Variants in RYR3 observed in about 807,000 individuals in gnomAD.
RYR3 encodes ryanodine receptor 3.
A neutral mutation model predicts 584.3 loss-of-function variants in RYR3; 207 were observed. That is an observed-to-expected ratio of 0.35 (90% CI 0.32 to 0.40). The LOEUF is 0.40. Among genes scored for constraint, RYR3 ranks in the 10% least tolerant of loss-of-function variants. RYR3 has a pLI of 1.00. For missense variants in RYR3, 5,616 were observed against 6,089.2 expected, an observed-to-expected ratio of 0.92 and a Z score of 2.59; for synonymous variants, 2,416 against 2,248.5, an observed-to-expected ratio of 1.07 and a Z score of -2.11.
At chr15:33,654,587 G>T (rs1260822472) in intron 32 of RYR3, among the ~76,000 whole-genome samples, 1 of 152,158 alleles carries the variant, frequency 6.6e-6, no homozygotes, top group Non-Finnish European at 1.5e-5. Flanking sequence ...GTATCATGGA[G>T]ATAGGGAAGC....
intron 3 of RYR3, among the ~76,000 whole-genome samples, chr15:33,527,679 G>A (rs1048593089): frequency 6.6e-6 from 1 of 152,094 alleles, no homozygotes; most frequent in Non-Finnish European, 1.5e-5. Context: ...CCTGATGCAC[G>A]GCCTTAGAGG....
intron 38 of RYR3, among the ~76,000 whole-genome samples, chr15:33,684,292 A>G (rs2064837695): frequency 6.6e-6 from 1 of 152,196 alleles, no homozygotes; most frequent in African/African-American, 2.4e-5. Context: ...TTTCTAGAGG[A>G]AGGATCAGGC....
chr15:33,855,940 A>T (rs1260225661), intron 98 of RYR3: 2 of 152,192 alleles, frequency 1.3e-5, no homozygotes, highest in African/African-American at 2.4e-5. Context: ...TATGACAGAC[A>T]GGCTTCCTCA....
At chr15:33,381,507 T>A (rs982746408) in intron 1 of RYR3, among the ~76,000 whole-genome samples, 2 of 152,238 alleles carry the variant, frequency 1.3e-5, no homozygotes, top group Non-Finnish European at 2.9e-5. Context: ...TATCCTCTGC[T>A]GCCCCAGCCT....
chr15:33,650,784 A>G (rs1266582045), intron 31 of RYR3, among the ~76,000 whole-genome samples: 1 of 152,222 alleles, frequency 6.6e-6, no homozygotes, highest in Non-Finnish European at 1.5e-5. Context: ...GTTGAAAAAA[A>G]TTCACCTATA....
intron 1 of RYR3, among the ~76,000 whole-genome samples, chr15:33,349,646 A>T (rs1371541383): frequency 6.8e-6 from 1 of 146,942 alleles, no homozygotes; most frequent in Non-Finnish European, 1.5e-5. Context: ...CACAATGTGC[A>T]GGTTCGTTAC....
intron 16 of RYR3, among the ~76,000 whole-genome samples, chr15:33,597,004 T>G (rs2152542916): frequency 6.6e-6 from 1 of 152,312 alleles, no homozygotes; most frequent in Non-Finnish European, 1.5e-5. Flanking sequence ...CAAACCTCCT[T>G]ATTGCCTGTG....
intron 10 of RYR3, among the ~76,000 whole-genome samples, chr15:33,558,783 A>G (rs1394697396): frequency 6.6e-6 from 1 of 152,166 alleles, no homozygotes; most frequent in Non-Finnish European, 1.5e-5. Context: ...AAGCCAATAA[A>G]TCAGGAGACA....
At chr15:33,725,973 C>CT (rs1555427564) in intron 45 of RYR3, among the ~76,000 whole-genome samples, 8 of 23,082 alleles carry the variant, frequency 3.5e-4, no homozygotes, top group East Asian at 7.8e-3. Flanking sequence ...CCATCCCCCC[C>CT]CCCAAAAAAA....
chr15:33,444,620 G>A (rs1046613951), intron 1 of RYR3, among the ~76,000 whole-genome samples: 3 of 152,180 alleles, frequency 2.0e-5, no homozygotes, highest in African/African-American at 7.2e-5. Flanking sequence ...ATTAGCAATG[G>A]TGTGAGGAAG....
rs569900138 is a variant in RYR3, at chr15:33,543,524, G to A, written c.647-98G>A. On this transcript the variant is annotated intron_variant, in intron 7 of 103. Coordinates refer to ENST00000634891, the MANE Select transcript of RYR3 (RefSeq NM_001036.6). ...AAATGTGTCTCTCTCAGTATTTACC[G>A]TAACTGGCTCAGACCTGTGTGAATT... is the stretch of plus-strand genomic sequence containing the variant. 2.8e-5 allele frequency: 22 copies of A among 793,200 alleles called. No individual in the cohort carries two copies. The East Asian group carries it at 2.9e-4, about 11-fold the overall frequency. The allele number at this position is 793,200 out of a possible 1,614,324, so 49.1% of individuals were successfully genotyped here.
chr15:33,708,621 AT>A (rs1167548838), intron 43 of RYR3, among the ~76,000 whole-genome samples: 2 of 152,176 alleles, frequency 1.3e-5, no homozygotes, highest in Admixed American at 1.3e-4. Flanking sequence ...ATCAATAGAA[AT>A]ATTTGTGGAT....
intron 10 of RYR3, among the ~76,000 whole-genome samples, chr15:33,554,472 A>G (rs2056931466): frequency 6.6e-6 from 1 of 151,746 alleles, no homozygotes; most frequent in Non-Finnish European, 1.5e-5. Context: ...ATTTTTTTGT[A>G]TTTTTAGTAG....
intron 1 of RYR3, among the ~76,000 whole-genome samples, chr15:33,375,835 C>T (rs1029192552): frequency 3.9e-5 from 6 of 152,128 alleles, no homozygotes; most frequent in African/African-American, 1.4e-4. Flanking sequence ...GAGGCCGAGG[C>T]GGGCGGATCA....
chr15:33,840,904 A>T, intron 90 of RYR3, 21 bp downstream of exon 90: 1 of 1,610,054 alleles, frequency 6.2e-7, no homozygotes, highest in Non-Finnish European at 8.5e-7. Flanking sequence ...GGTAGCATCA[A>T]CTACTCTCAT....
At chr15:33,717,106 G>A (rs1030146733) in intron 43 of RYR3, among the ~76,000 whole-genome samples, 10 of 152,086 alleles carry the variant, frequency 6.6e-5, no homozygotes, top group South Asian at 2.1e-4. Flanking sequence ...ACAATTCTGC[G>A]ATTAAATACT....
chr15:33,520,577 C>T (rs2053905943), intron 3 of RYR3, among the ~76,000 whole-genome samples: 1 of 152,194 alleles, frequency 6.6e-6, no homozygotes, highest in East Asian at 1.9e-4. Flanking sequence ...CTATTAGCTA[C>T]AGGAGAAGGT....
At chr15:33,756,147 G>A (rs74005990) in intron 58 of RYR3, among the ~76,000 whole-genome samples, 159 bp from the exon 59 acceptor site, 7,929 of 152,214 alleles carry the variant, frequency 0.052, 647 homozygotes, top group African/African-American at 0.18. Flanking sequence ...ACAAGAAATA[G>A]CTAACCAGGA....
intron 1 of RYR3, among the ~76,000 whole-genome samples, chr15:33,334,479 A>G (rs113409458): frequency 0.12 from 18,996 of 152,266 alleles, 1,479 homozygotes; most frequent in South Asian, 0.21. Context: ...AGCTAGTCAT[A>G]TGCAGAAAAT....
Sources: allele counts gnomAD v4.1 joint callset (sites outside exome capture counted in the v4.1 genomes callset), GRCh38; gene constraint gnomAD v4.1.1; transcripts MANE v1.5; gene names NCBI Gene and HGNC (gene_info 2026-07-23, HGNC 2026-07-21).